Variants in CDK13 observed in about 807,000 individuals in gnomAD.
CDK13 encodes the protein cyclin-dependent kinase 13.
In CDK13, 40 loss-of-function variants were observed where a neutral mutation model predicts 137.6. That is an observed-to-expected ratio of 0.29 (90% CI 0.23 to 0.38). The LOEUF (loss-of-function observed/expected upper bound fraction) is 0.38. Ranked by LOEUF, CDK13 falls within the 10% of genes least tolerant of loss-of-function variation. CDK13 has a pLI of 1.00. For synonymous variants in CDK13, 869 were observed against 760.1 expected, an observed-to-expected ratio of 1.14 and a Z score of -2.36; for missense variants, 1,704 against 1,951.8, an observed-to-expected ratio of 0.87 and a Z score of 2.39.
intron 12 of CDK13, among the ~76,000 whole-genome samples, chr7:40,089,719 A>AGTGT (rs1180710703): frequency 6.3e-5 from 9 of 143,188 alleles, no homozygotes; most frequent in African/African-American, 2.2e-4. Flanking sequence ...AGAGAGAGAG[A>AGTGT]GAGAGTGTGT....
rs559120529 is a variant in CDK13 at position 40,013,663 on chromosome 7, A to C, written c.2353+11632A>C. ...GCGTGTGAGGTTTCTTTCTAGGGTCATGAAAATGTTCTAAAATTCATTGTA... is the reference window on the plus strand; with the variant it reads ...GCGTGTGAGGTTTCTTTCTAGGGTCCTGAAAATGTTCTAAAATTCATTGTA... On this transcript the variant is annotated intron_variant, in intron 5 of 13. Transcript: ENST00000181839. Among the ~76,000 whole-genome samples the C allele has an allele frequency of 6.0e-4, 91 of 152,330 alleles. 1 individual carries two copies. The highest frequency in any genetic ancestry group is 1.7e-3 in the Admixed American group (26 of 15,296).
intron 5 of CDK13, among the ~76,000 whole-genome samples, chr7:40,009,754 A>G (rs1449238351): frequency 1.3e-5 from 2 of 152,238 alleles, no homozygotes; most frequent in Non-Finnish European, 1.5e-5. Flanking sequence ...ACACTCAGCA[A>G]CCTAGAAGTA....
At chr7:39,958,786 TAA>T (rs1320346694) in intron 1 of CDK13, among the ~76,000 whole-genome samples, 15 of 152,210 alleles carry the variant, frequency 9.9e-5, no homozygotes, top group African/African-American at 3.6e-4. Context: ...TTCCTGGGGA[TAA>T]AATTTTTGAG....
chr7:40,023,689 C>T (rs985953695), intron 5 of CDK13, among the ~76,000 whole-genome samples: 7 of 151,678 alleles, frequency 4.6e-5, no homozygotes, highest in East Asian at 1.9e-4. Flanking sequence ...TTAATAGAGA[C>T]GGGGTTTCAC....
intron 1 of CDK13, among the ~76,000 whole-genome samples, chr7:39,953,083 C>G (rs1787289169): frequency 1.3e-5 from 2 of 152,018 alleles, no homozygotes; most frequent in African/African-American, 4.8e-5. Context: ...CAACATAATA[C>G]GAATATGCAT....
intron 5 of CDK13, among the ~76,000 whole-genome samples, chr7:40,044,558 A>T (rs1785691658): frequency 6.6e-6 from 1 of 151,956 alleles, no homozygotes; most frequent in Non-Finnish European, 1.5e-5. Flanking sequence ...ACCTCAGATG[A>T]TCCACCTGCC....
At chr7:40,003,160 A>G (rs1370549018) in intron 5 of CDK13, among the ~76,000 whole-genome samples, 1 of 80,602 alleles carries the variant, frequency 1.2e-5, no homozygotes, top group East Asian at 3.7e-4. Flanking sequence ...AGCTACACAC[A>G]CACACACACA....
rs145750316 is a variant in CDK13, at chr7:39,987,965, C to G, written c.1578C>G (p.Pro526=). The stretch of plus-strand genomic sequence containing the variant: ...TTAAAATTGAACATGCACCTTCTCC[C>G]TCAAGTGGTGGAACTTTAAAAAATG... ...KKIKIEHAPS[P]SSGGTLKNDK... is the part of the protein sequence containing the mutation. Residue 526 remains proline (P), a synonymous_variant, in exon 2 of 14, where the codon CCC becomes CCG. Coordinates refer to ENST00000181839, the MANE Select transcript of CDK13 (RefSeq NM_003718.5). 2 of 1,614,082 alleles carry G rather than the reference C, an allele frequency of 1.2e-6. No homozygotes were observed. The highest frequency in any genetic ancestry group is 1.7e-5 in the Admixed American group (1 of 60,000).
At chr7:39,982,852 T>C (rs192634316) in intron 1 of CDK13, among the ~76,000 whole-genome samples, 1 of 152,354 alleles carries the variant, frequency 6.6e-6, no homozygotes, top group East Asian at 1.9e-4. Context: ...TGCCCACTTT[T>C]TGATGGGGTT....
chr7:40,026,290 C>CT (rs1785240112), intron 5 of CDK13, among the ~76,000 whole-genome samples: 1 of 152,230 alleles, frequency 6.6e-6, no homozygotes, highest in South Asian at 2.1e-4. Context: ...AGGAGGATCT[C>CT]TTGAGCTCAG....
At chr7:40,079,142 C>T (rs770296493) in intron 11 of CDK13, among the ~76,000 whole-genome samples, 1 of 151,970 alleles carries the variant, frequency 6.6e-6, no homozygotes, top group Non-Finnish European at 1.5e-5. Context: ...TTACTGCTGC[C>T]GGGCGCGGTG....
At chr7:39,973,223 A>G (rs1784037261) in intron 1 of CDK13, among the ~76,000 whole-genome samples, 1 of 152,002 alleles carries the variant, frequency 6.6e-6, no homozygotes, top group African/African-American at 2.4e-5. Context: ...TGCAGCCTCC[A>G]TCTCTAGGAC....
At position 39,997,470 on chromosome 7, in the gene CDK13, TTGTC is replaced by T. The variant is rs760912384; in HGVS notation, c.1872-21_1872-18del. 2.9e-5 allele frequency: 46 copies of T among 1,580,754 alleles called. No homozygotes were observed. The highest frequency in any genetic ancestry group is 6.3e-5 in the Admixed American group (3 of 47,582). On this transcript the variant is annotated intron_variant, in intron 2 of 13. Transcript: ENST00000181839. ...TTAGTCAACAAAATTTTTGTTTTAT[TTGTC>T]TGACTTCTTTCACTTTCAGCTTACG...
At chr7:39,974,845 T>G (rs1373844229) in intron 1 of CDK13, among the ~76,000 whole-genome samples, 2 of 152,210 alleles carry the variant, frequency 1.3e-5, no homozygotes, top group African/African-American at 4.8e-5. Flanking sequence ...ATTACAGGCG[T>G]GAGCCACAGT....
rs117821859 is a variant in CDK13 at position 39,988,547 on chromosome 7, A to G, written c.1871+289A>G. On this transcript the variant is annotated intron_variant, in intron 2 of 13. Coordinates refer to ENST00000181839, the MANE Select transcript of CDK13 (RefSeq NM_003718.5). The stretch of plus-strand genomic sequence containing the variant: ...GAAATGCCAGTATTCTCTTTGGTTT[A>G]GTTTTCCTTGATGATGTAATCAGAG... Among the ~76,000 whole-genome samples, 58 of 152,276 alleles carry G rather than the reference A, an allele frequency of 3.8e-4. No homozygotes were observed. The East Asian group carries it at 0.011, about 28-fold the overall frequency.
intron 7 of CDK13, 55 bp downstream of exon 7, chr7:40,047,932 A>G (rs1398482826): frequency 9.7e-7 from 1 of 1,034,254 alleles, no homozygotes; most frequent in African/African-American, 1.6e-5. Flanking sequence ...ATTAGAAGCT[A>G]TACTAAGAAT....
At chr7:39,987,383 C>A (rs921655044) in intron 1 of CDK13, among the ~76,000 whole-genome samples, 2 of 152,056 alleles carry the variant, frequency 1.3e-5, no homozygotes, top group Admixed American at 6.6e-5. Context: ...ATTTGTAGAC[C>A]AGAGCGAGAT....
intron 12 of CDK13, among the ~76,000 whole-genome samples, chr7:40,089,546 C>T (rs904300783): frequency 6.6e-6 from 1 of 151,952 alleles, no homozygotes; most frequent in African/African-American, 2.4e-5. Flanking sequence ...CAAAGTCTGC[C>T]TCTTCAATGT....
intron 5 of CDK13, among the ~76,000 whole-genome samples, chr7:40,011,211 C>T (rs1161934606): frequency 6.6e-6 from 1 of 152,150 alleles, no homozygotes; most frequent in East Asian, 1.9e-4. Flanking sequence ...AGTTGGAACC[C>T]TCACAATTTT....
Sources: allele counts gnomAD v4.1 joint callset (sites outside exome capture counted in the v4.1 genomes callset), GRCh38; gene constraint gnomAD v4.1.1; transcripts MANE v1.5; gene names NCBI Gene and HGNC (gene_info 2026-07-23, HGNC 2026-07-21).